The following DENND1B variants were observed in gnomAD, a reference collection of about 807,000 sequenced individuals.
DENND1B encodes the protein DENN domain containing 1B, also known as DENN domain-containing protein 1B.
DENND1B carries 59 observed loss-of-function variants against 90.1 expected under a neutral mutation model. That is an observed-to-expected ratio of 0.65 (90% confidence interval 0.53 to 0.81). The LOEUF (loss-of-function observed/expected upper bound fraction) is 0.81, where lower values mean the gene tolerates loss of function less well. Among genes scored for constraint, DENND1B ranks in the 40% least tolerant of loss-of-function variants. DENND1B has a pLI of 0.00. For missense variants in DENND1B, 862 were observed against 912.6 expected (o/e 0.94, Z 0.71); for synonymous variants, 337 against 324.6 (o/e 1.04, Z -0.41).
intron 15 of DENND1B, 114 bp downstream of exon 15, chr1:197,583,038 C>T (rs1013861857): frequency 4.8e-5 from 45 of 929,120 alleles, no homozygotes; most frequent in Middle Eastern, 2.2e-4. Flanking sequence ...CAAAAATTTC[C>T]TGACATTCTA....
At chr1:197,733,982 G>T in intron 2 of DENND1B, 1 of 600,882 alleles carries the variant, frequency 1.7e-6, no homozygotes, top group Non-Finnish European at 2.1e-6. Context: ...TTAAAAATCT[G>T]TGCAACTAAA....
chr1:197,765,124 T>C (rs766517924), intron 2 of DENND1B, among the ~76,000 whole-genome samples: 1 of 152,192 alleles, frequency 6.6e-6, no homozygotes, highest in Non-Finnish European at 1.5e-5. Flanking sequence ...CCTAAATAAA[T>C]ACTTTTAAAA....
At chr1:197,670,443 C>CTGTGTGTG (rs60648023) in intron 5 of DENND1B, among the ~76,000 whole-genome samples, 8,076 of 99,444 alleles carry the variant, frequency 0.081, 553 homozygotes, top group African/African-American at 0.13. Flanking sequence ...GGGGGGAAGA[C>CTGTGTGTG]TGTGTGTGTG....
intron 15 of DENND1B, among the ~76,000 whole-genome samples, chr1:197,563,595 G>A (rs12131544): frequency 6.6e-6 from 1 of 151,904 alleles, no homozygotes; most frequent in East Asian, 1.9e-4. Context: ...ACTCTAATGA[G>A]ATATAAAAGG....
At chr1:197,724,948 A>C (rs1202869143) in intron 2 of DENND1B, among the ~76,000 whole-genome samples, 1 of 152,102 alleles carries the variant, frequency 6.6e-6, no homozygotes, top group Non-Finnish European at 1.5e-5. Context: ...ATGAGAAAAG[A>C]GGTTAAGAAA....
intron 2 of DENND1B, among the ~76,000 whole-genome samples, chr1:197,756,814 A>G (rs1571637278): frequency 6.6e-6 from 1 of 151,686 alleles, no homozygotes; most frequent in South Asian, 2.1e-4. Flanking sequence ...AATCATTATT[A>G]AAGAAAATAC....
At chr1:197,750,823 A>G (rs1463453671) in intron 2 of DENND1B, among the ~76,000 whole-genome samples, 3 of 152,180 alleles carry the variant, frequency 2.0e-5, no homozygotes, top group Non-Finnish European at 4.4e-5. Context: ...CTGTCAGAGA[A>G]AAAGAGACAG....
chr1:197,510,795 C>G lies in DENND1B; in HGVS notation c.1993G>C (p.Glu665Gln), dbSNP rs1667971272. 1 of 1,612,184 alleles carries G rather than the reference C, an allele frequency of 6.2e-7. No individual in the cohort carries two copies. ...GLTDSLFILK[E>Q]ENSNKHLGAD... ...CCGAGGTGCTTGTTACTGTTTTCCT[C>G]TTTCAGGATAAACAGAGAATCTGTC... The change falls in exon 23 of 23, where the codon GAG becomes CAG. Residue 665 changes from glutamate (E) to glutamine (Q), a missense_variant. Coordinates refer to ENST00000620048, the MANE Select transcript of DENND1B (RefSeq NM_001195215.2).
intron 18 of DENND1B, among the ~76,000 whole-genome samples, chr1:197,544,955 G>GGAGGAAGGAGGAGGAGGA (rs1558222461): frequency 7.4e-5 from 4 of 54,300 alleles, no homozygotes; most frequent in Admixed American, 2.2e-4. Flanking sequence ...GAAGAGAGAA[G>GGAGGAAGGAGGAGGAGGA]GGAGAAGGAG....
rs1028376890 is a variant in DENND1B, at chr1:197,714,186, G to A, written c.126+845C>T. Among the ~76,000 whole-genome samples the A allele has an allele frequency of 4.0e-5, 6 of 151,052 alleles. No homozygotes were observed. In the South Asian group the frequency reaches 1.2e-3, roughly 31 times the overall value. The stretch of plus-strand genomic sequence containing the variant: ...GACGAGGTTTCACCATGTTAGTCAG[G>A]CTGGTCTCGAACTCCTGACCTCATG... On this transcript the variant is annotated intron_variant, in intron 3 of 22. Coordinates refer to ENST00000620048, the MANE Select transcript of DENND1B (RefSeq NM_001195215.2).
chr1:197,581,516 T>A (rs977030998), intron 15 of DENND1B, among the ~76,000 whole-genome samples: 1 of 152,154 alleles, frequency 6.6e-6, no homozygotes, highest in African/African-American at 2.4e-5. Flanking sequence ...GTGCTGAGAG[T>A]GTACATGTGT....
intron 15 of DENND1B, among the ~76,000 whole-genome samples, chr1:197,554,832 C>CAAAAA (rs11440581): frequency 5.8e-5 from 4 of 69,370 alleles, no homozygotes; most frequent in African/African-American, 6.4e-5. Context: ...GACTCCATCT[C>CAAAAA]AAAAAAAAAA....
intron 8 of DENND1B, among the ~76,000 whole-genome samples, chr1:197,646,069 G>GTA (rs1680707745): frequency 1.3e-5 from 2 of 151,710 alleles, no homozygotes; most frequent in Non-Finnish European, 3.0e-5. Context: ...ACACGTATGT[G>GTA]TATATATACA....
intron 2 of DENND1B, among the ~76,000 whole-genome samples, chr1:197,758,857 TTCTC>T (rs1654639285): frequency 6.6e-6 from 1 of 151,966 alleles, no homozygotes; most frequent in South Asian, 2.1e-4. Flanking sequence ...TCTTATGAAA[TTCTC>T]TCTCCTTGTT....
At chr1:197,643,303 C>G (rs1441553735) in intron 9 of DENND1B, among the ~76,000 whole-genome samples, 1 of 151,890 alleles carries the variant, frequency 6.6e-6, no homozygotes, top group East Asian at 1.9e-4. Context: ...TACAGGTGCA[C>G]GCCACCACAT....
intron 15 of DENND1B, among the ~76,000 whole-genome samples, chr1:197,563,344 T>C (rs1672336245): frequency 6.6e-6 from 1 of 151,994 alleles, no homozygotes; most frequent in Admixed American, 6.6e-5. Flanking sequence ...ATAATGCAGC[T>C]GGTGACTTTA....
intron 10 of DENND1B, among the ~76,000 whole-genome samples, chr1:197,628,424 G>A (rs1401630168): frequency 1.3e-5 from 2 of 152,132 alleles, no homozygotes; most frequent in Non-Finnish European, 2.9e-5. Context: ...AAGCAATGGG[G>A]AAACGATTCC....
At chr1:197,646,695 GAAC>G (rs1423755269) in intron 8 of DENND1B, among the ~76,000 whole-genome samples, 1 of 151,930 alleles carries the variant, frequency 6.6e-6, no homozygotes, top group Non-Finnish European at 1.5e-5. Flanking sequence ...CAGGGTAGAA[GAAC>G]AATAGGAGAT....
intron 3 of DENND1B, among the ~76,000 whole-genome samples, chr1:197,686,723 T>C (rs1657271532): frequency 6.9e-6 from 1 of 145,622 alleles, no homozygotes; most frequent in Non-Finnish European, 1.5e-5. Context: ...ATCTGTCTCT[T>C]TTTTTTTTTT....
Sources: allele counts gnomAD v4.1 joint callset (sites outside exome capture counted in the v4.1 genomes callset), GRCh38; gene constraint gnomAD v4.1.1; transcripts MANE v1.5; gene names NCBI Gene and HGNC (gene_info 2026-07-23, HGNC 2026-07-21).